SLC22A5: variants seen among roughly 807,000 people sequenced by gnomAD.
SLC22A5 encodes the protein solute carrier family 22 member 5.
SLC22A5 carries 44 observed loss-of-function variants against 56.7 expected under a neutral mutation model. That is an observed-to-expected ratio of 0.78 (90% CI 0.61 to 1.00). SLC22A5 has a LOEUF of 1.00. Ranked by LOEUF, SLC22A5 falls within the 50% of genes least tolerant of loss-of-function variation. The pLI is 0.00. For missense variants in SLC22A5, 675 were observed against 723.0 expected, an observed-to-expected ratio of 0.93 and a Z score of 0.76; for synonymous variants, 278 against 292.1, an observed-to-expected ratio of 0.95 and a Z score of 0.49.
At chr5:132,393,435 G>A (rs191603094) in intron 8 of SLC22A5, among the ~76,000 whole-genome samples, 1 of 152,242 alleles carries the variant, frequency 6.6e-6, no homozygotes, top group African/African-American at 2.4e-5. Flanking sequence ...TACTGCAACC[G>A]CCCCTTTGTA....
Position 132,389,037 on chromosome 5 carries a change from C to T in SLC22A5, c.1052+16C>T, listed in dbSNP as rs761103041. ...TAATGCTGTGGTATGTAAAAGAGAC[C>T]TGCCTGAGGCTTCCAGACAAAGCTT... On this transcript the variant is annotated intron_variant, in intron 6 of 9. Coordinates refer to ENST00000245407, the MANE Select transcript of SLC22A5 (RefSeq NM_003060.4). The T allele has an allele frequency of 6.6e-7, 1 of 1,519,196 alleles. No individual in the cohort carries two copies. 94.1% of individuals were successfully genotyped at this position (1,519,196 alleles called of 1,614,324 possible). A position where few individuals can be genotyped will look rare whatever the true frequency, so the allele number is the denominator to read the frequency against.
At chr5:132,393,384 A>G (rs779437596) in intron 8 of SLC22A5, among the ~76,000 whole-genome samples, 24 of 152,206 alleles carry the variant, frequency 1.6e-4, no homozygotes, top group Non-Finnish European at 2.4e-4. Context: ...AATAATCAGC[A>G]TGGCCCAGAA....
chr5:132,385,671 C>T (rs1752503907), intron 4 of SLC22A5, among the ~76,000 whole-genome samples, 172 bp downstream of exon 4: 1 of 152,272 alleles, frequency 6.6e-6, no homozygotes, highest in African/African-American at 2.4e-5. Flanking sequence ...CAAAACAAAA[C>T]AGAATCCCAT....
In SLC22A5 at chr5:132,394,686, TG is replaced by T. The variant is rs776206187; in HGVS notation, c.*416del. 4.5e-5 allele frequency: 9 copies of T among 199,644 alleles called. No individual in the cohort carries two copies. The highest frequency in any genetic ancestry group is 9.3e-5 in the Non-Finnish European group (9 of 96,920). The allele number at this position is 199,644 out of a possible 1,614,324, so 12.4% of individuals were successfully genotyped here. On this transcript the variant is annotated 3_prime_UTR_variant, in exon 10 of 10. Coordinates refer to ENST00000245407, the MANE Select transcript of SLC22A5 (RefSeq NM_003060.4). Reference sequence around the variant, plus strand: ...CACCCCTTTCCCCACTCCCCTCTAGTGGTGAACTTTAGAGGAAAAGGAAGTA... The same window carrying T: ...CACCCCTTTCCCCACTCCCCTCTAGTGTGAACTTTAGAGGAAAAGGAAGTA...
intron 1 of SLC22A5, chr5:132,378,018 C>A: frequency 7.5e-7 from 1 of 1,334,266 alleles, no homozygotes; most frequent in Non-Finnish European, 1.0e-6. Context: ...GCCTGAACCC[C>A]ACTGAGCGAG....
chr5:132,384,264 G>A lies in SLC22A5; in HGVS notation c.615G>A (p.Met205Ile). ...MFVVLFVLVG[M>I]GQISNYVAAF... ...TCGTGCTGTTTGTCCTTGTAGGCAT[G>A]GGCCAGATCTCCAACTATGTGGCAG... The change falls in exon 3 of 10, where the codon ATG becomes ATA. Residue 205 changes from methionine (M) to isoleucine (I), a missense_variant. Physicochemically the swap from Met to Ile is conservative, Grantham distance 10. Transcript: ENST00000245407. 6.2e-7 allele frequency: 1 copy of A among 1,614,246 alleles called. No individual in the cohort carries two copies. Among genetic ancestry groups the A allele is most frequent in the Non-Finnish European group, 8.5e-7 (1 of 1,180,044 alleles).
intron 1 of SLC22A5, 36 bp downstream of exon 1, chr5:132,370,401 C>T: frequency 6.2e-7 from 1 of 1,605,420 alleles, no homozygotes; most frequent in Non-Finnish European, 8.5e-7. Flanking sequence ...GAGACCAGGG[C>T]TCGGAGGACC....
At position 132,390,915 on chromosome 5, in the gene SLC22A5, T is replaced by C. The variant is rs1240065453; in HGVS notation, c.1267+11T>C. On this transcript the variant is annotated intron_variant, in intron 7 of 9. Coordinates refer to ENST00000245407, the MANE Select transcript of SLC22A5 (RefSeq NM_003060.4). Reference sequence around the variant, plus strand: ...AGCTGGTACCCCCAGGTAGGGACCATGTGCATCTATGGTTTGGGGTCTTCA... The same window carrying C: ...AGCTGGTACCCCCAGGTAGGGACCACGTGCATCTATGGTTTGGGGTCTTCA... 2 of 1,606,710 alleles carry C rather than the reference T, an allele frequency of 1.2e-6. No homozygotes were observed. Among genetic ancestry groups the C allele is most frequent in the East Asian group, 2.2e-5 (1 of 44,840 alleles).
chr5:132,390,648 G>A, intron 6 of SLC22A5, 42 bp from the exon 7 acceptor site: 1 of 1,388,604 alleles, frequency 7.2e-7, no homozygotes, highest in Non-Finnish European at 1.0e-6. Flanking sequence ...TGGGAAAGAT[G>A]TGGATACTGC....
At chr5:132,381,621 TA>T (rs1412671242) in intron 2 of SLC22A5, 1 of 152,242 alleles carries the variant, frequency 6.6e-6, no homozygotes, top group Non-Finnish European at 1.5e-5. Context: ...GGCCTATGAA[TA>T]TGTCTGAAAT....
At chr5:132,390,986 A>G in intron 7 of SLC22A5, 82 bp downstream of exon 7, 4 of 1,175,626 alleles carry the variant, frequency 3.4e-6, no homozygotes, top group Non-Finnish European at 5.0e-6. Flanking sequence ...AATAAAGAGA[A>G]TAAAATCAAG....
In SLC22A5 at chr5:132,394,216, A is replaced by G; in HGVS notation, c.1618A>G (p.Arg540Gly). 1.2e-6 allele frequency: 2 copies of G among 1,613,764 alleles called. No homozygotes were observed. Among genetic ancestry groups the G allele is most frequent in the South Asian group, 1.1e-5 (1 of 91,080 alleles). The change falls in exon 10 of 10, where the codon AGG becomes GGG. Residue 540 changes from arginine (R) to glycine (G), a missense_variant. Arg to Gly is a moderately radical substitution (Grantham distance 125). Transcript: ENST00000245407. ...MKHRKTPSHT[R>G]MLKDGQERPT... ...ACACAGAAAAACTCCAAGTCACACA[A>G]GGATGTTAAAAGATGGTCAAGAAAG...
intron 2 of SLC22A5, chr5:132,378,694 G>C (rs1254330487): frequency 3.4e-6 from 2 of 580,640 alleles, no homozygotes; most frequent in Non-Finnish European, 6.2e-6. Context: ...AACCTGAGCT[G>C]TCTAAGCTGA....
intron 2 of SLC22A5, chr5:132,381,949 C>A (rs1465888861): frequency 6.6e-6 from 1 of 152,120 alleles, no homozygotes; most frequent in Admixed American, 6.6e-5. Flanking sequence ...TGGTTAGGAA[C>A]CACCCCTTGG....
intron 2 of SLC22A5, chr5:132,383,846 TATC>T: frequency 2.9e-6 from 1 of 346,486 alleles, no homozygotes; most frequent in Non-Finnish European, 5.3e-6. Flanking sequence ...TTAAAAAAAA[TATC>T]ATTATGAATG....
At chr5:132,377,105 A>T (rs866182174) in intron 1 of SLC22A5, 1 of 152,330 alleles carries the variant, frequency 6.6e-6, no homozygotes, top group Non-Finnish European at 1.5e-5. Flanking sequence ...GTTCACGCTT[A>T]TTCCAAAGCG....
intron 1 of SLC22A5, among the ~76,000 whole-genome samples, chr5:132,371,103 C>T (rs1226270412): frequency 6.6e-6 from 1 of 152,086 alleles, no homozygotes; most frequent in Non-Finnish European, 1.5e-5. Flanking sequence ...CCTCAGTCTC[C>T]GAGTAGCTGT....
At position 132,395,432 on chromosome 5, in the gene SLC22A5, C is replaced by G. The variant is rs1241448327; in HGVS notation, c.*1160C>G. 1 of 152,696 alleles carries G rather than the reference C, an allele frequency of 6.5e-6. No homozygotes were observed. Among genetic ancestry groups the G allele is most frequent in the African/African-American group, 2.4e-5 (1 of 41,402 alleles). 9.5% of individuals were successfully genotyped at this position (152,696 alleles called of 1,614,324 possible). A position where few individuals can be genotyped will look rare whatever the true frequency, so the allele number is the denominator to read the frequency against. ...AGAGTAGCTCACTTTAGTCCTGTAA[C>G]TTTATTGGGTGATATTTTGTGTTCA... On this transcript the variant is annotated 3_prime_UTR_variant, in exon 10 of 10. Transcript: ENST00000245407.
At chr5:132,387,789 G>A (rs139867473) in intron 5 of SLC22A5, 1 of 159,000 alleles carries the variant, frequency 6.3e-6, no homozygotes, top group African/African-American at 2.4e-5. Context: ...CTAGTTCCTG[G>A]TTCTTGCTTT....
Sources: gnomAD v4.1 joint callset for allele counts (sites outside exome capture counted in the v4.1 genomes callset) on GRCh38, gnomAD v4.1.1 for gene constraint, MANE v1.5 for transcripts, NCBI Gene and HGNC (gene_info 2026-07-23, HGNC 2026-07-21) for gene names.